Variants in TRRAP observed in about 807,000 individuals in gnomAD.
TRRAP encodes the protein transformation/transcription domain associated protein.
TRRAP carries 41 observed loss-of-function variants against 438.8 expected under a neutral mutation model. That is an observed-to-expected ratio of 0.09 (90% confidence interval 0.07 to 0.12). The LOEUF is 0.12. Ranked by LOEUF, TRRAP falls within the 10% of genes least tolerant of loss-of-function variation. The pLI, the probability that TRRAP is intolerant of heterozygous loss-of-function variation, is 1.00. For synonymous variants in TRRAP, 1,994 were observed against 1,962.9 expected (o/e 1.02, Z -0.42); for missense variants, 3,122 against 5,055.1 (o/e 0.62, Z 11.60).
intron 68 of TRRAP, 135 bp downstream of exon 68, chr7:99,004,550 T>C: frequency 1.3e-6 from 1 of 799,872 alleles, no homozygotes; most frequent in Non-Finnish European, 1.9e-6. Flanking sequence ...AAGATGATTC[T>C]GGAATGTAAG....
At position 98,921,925 on chromosome 7, in the gene TRRAP, A is replaced by G. The variant is rs782779237; in HGVS notation, c.2795A>G (p.Lys932Arg). 2.5e-6 allele frequency: 4 copies of G among 1,614,164 alleles called. No homozygotes were observed. Among genetic ancestry groups the G allele is most frequent in the South Asian group, 2.2e-5 (2 of 91,074 alleles). ...PSITVEFSDC[K>R]ASLQLPMEKA... Reference sequence around the variant, plus strand: ...ATCACTGTGGAGTTTTCCGACTGCAAAGCTTCTCTCCAGCTCCCCATGGAG... The same window carrying G: ...ATCACTGTGGAGTTTTCCGACTGCAGAGCTTCTCTCCAGCTCCCCATGGAG... The change falls in exon 21 of 73, where the codon AAA (lysine) becomes AGA (arginine). Residue 932 changes from lysine (K) to arginine (R), a missense_variant. Around this residue, in one of 24 missense-constraint regions of TRRAP, gnomAD observed 133 missense variants for 188.6 expected, o/e 0.71. Coordinates refer to ENST00000456197, the MANE Select transcript of TRRAP (RefSeq NM_001375524.1).
intron 1 of TRRAP, among the ~76,000 whole-genome samples, chr7:98,880,262 G>GTTT (rs201053093): frequency 2.3e-5 from 3 of 132,112 alleles, no homozygotes; most frequent in South Asian, 2.5e-4. Flanking sequence ...TGTTGTTGTT[G>GTTT]TTTTTTTTTT....
At chr7:98,943,815 A>G (rs1554416191) in intron 31 of TRRAP, among the ~76,000 whole-genome samples, 2 of 152,266 alleles carry the variant, frequency 1.3e-5, no homozygotes, top group Admixed American at 6.5e-5. Flanking sequence ...CAGTATTCCT[A>G]TTAGGGACTT....
chr7:98,969,187 A>G (rs1268072318), intron 51 of TRRAP, among the ~76,000 whole-genome samples: 1 of 152,208 alleles, frequency 6.6e-6, no homozygotes, highest in Non-Finnish European at 1.5e-5. Flanking sequence ...AAAGCAGATA[A>G]CAATACTCTT....
At chr7:98,974,404 G>GCTCTTT (rs1438551362) in intron 53 of TRRAP, among the ~76,000 whole-genome samples, 2 of 152,116 alleles carry the variant, frequency 1.3e-5, no homozygotes, top group African/African-American at 4.8e-5. Flanking sequence ...AGGCACACAG[G>GCTCTTT]CTCTTTCTCT....
intron 62 of TRRAP, among the ~76,000 whole-genome samples, chr7:98,988,028 A>AT (rs1394834884): frequency 2.6e-5 from 4 of 151,890 alleles, no homozygotes; most frequent in African/African-American, 9.7e-5. Context: ...AACCACCCTT[A>AT]TTGCTGGGAT....
In TRRAP at chr7:98,967,078, AGAT is replaced by A; in HGVS notation, c.7220_7222del (p.Met2407del). 1 of 1,614,044 alleles carries A rather than the reference AGAT, an allele frequency of 6.2e-7. No individual in the cohort carries two copies. On this transcript the variant is annotated inframe_deletion, in exon 50 of 73. Coordinates refer to ENST00000456197, the MANE Select transcript of TRRAP (RefSeq NM_001375524.1). ...CGGGAGAAGTCCATTTTGCTTGTGA[AGAT>A]GATGACTTACATAGAAAAACGCTTT...
rs117340269 is a variant in TRRAP, at chr7:98,931,741, G to A, written c.3852+76G>A. ...CTTTTTTTTAAATTTGAGTTGAGGT[G>A]ATACTCCGTTTATAATTTTGTGTCT... On this transcript the variant is annotated intron_variant, in intron 26 of 72. Coordinates refer to ENST00000456197, the MANE Select transcript of TRRAP (RefSeq NM_001375524.1). 6.2e-5 allele frequency: 97 copies of A among 1,555,812 alleles called. No individual in the cohort carries two copies. The East Asian group carries it at 1.4e-3, about 23-fold the overall frequency.
Position 98,990,041 on chromosome 7 carries a change from G to A in TRRAP, c.9592-414G>A, listed in dbSNP as rs566471404. 6.6e-5 allele frequency among the ~76,000 whole-genome samples: 10 copies of A among 152,208 alleles called. No homozygotes were observed. In the East Asian group the frequency reaches 9.7e-4, roughly 15 times the overall value. On this transcript the variant is annotated intron_variant, in intron 63 of 72. Transcript: ENST00000456197. ...TCAGGAGTTCAAGACCAGCCTGGCC[G>A]ACATGGCAAAACCCCATCTCTACTA...
intron 8 of TRRAP, among the ~76,000 whole-genome samples, chr7:98,898,517 A>G (rs919626852): frequency 1.3e-5 from 2 of 152,234 alleles, no homozygotes; most frequent in South Asian, 2.1e-4. Flanking sequence ...CAGTTGTGCT[A>G]GGATGAACAA....
Position 98,903,364 on chromosome 7 carries a change from A to T in TRRAP, c.898-15A>T, listed in dbSNP as rs1554407010. The T allele has an allele frequency of 6.2e-7, 1 of 1,613,868 alleles. No homozygotes were observed. The highest frequency in any genetic ancestry group is 2.2e-5 in the East Asian group (1 of 44,880). On this transcript the variant is annotated splice_polypyrimidine_tract_variant and intron_variant, in intron 11 of 72. Coordinates refer to ENST00000456197, the MANE Select transcript of TRRAP (RefSeq NM_001375524.1). ...CCTATCCCTGTAACTGTGTCATCTCACTCTGTTCTTACAGGAGTTGGTGAC... is the reference window on the plus strand; with the variant it reads ...CCTATCCCTGTAACTGTGTCATCTCTCTCTGTTCTTACAGGAGTTGGTGAC...
intron 62 of TRRAP, among the ~76,000 whole-genome samples, chr7:98,986,034 G>A (rs1281921906): frequency 6.6e-6 from 1 of 152,160 alleles, no homozygotes; most frequent in Non-Finnish European, 1.5e-5. Context: ...ATAAATAGAA[G>A]CATACACTGT....
At chr7:98,911,332 A>C (rs1789255928) in intron 17 of TRRAP, 61 bp downstream of exon 17, 1 of 1,431,268 alleles carries the variant, frequency 7.0e-7, no homozygotes, top group Non-Finnish European at 9.4e-7. Context: ...TGTCTTAAAT[A>C]CTTTTTCATT....
At position 98,950,273 on chromosome 7, in the gene TRRAP, C is replaced by T. The variant is rs782397662; in HGVS notation, c.5334+11C>T. 6.2e-6 allele frequency: 10 copies of T among 1,614,054 alleles called. No individual in the cohort carries two copies. Among genetic ancestry groups the T allele is most frequent in the Non-Finnish European group, 8.5e-6 (10 of 1,180,036 alleles). ...GAATTAAAAGCTAAAGTGAGTCCCA[C>T]TCTTATGCTGTAGAAGGGTATGGGT... On this transcript the variant is annotated intron_variant, in intron 38 of 72. Transcript: ENST00000456197.
At position 98,978,319 on chromosome 7, in the gene TRRAP, A is replaced by C; in HGVS notation, c.8494A>C (p.Ile2832Leu). Reference protein sequence around the residue: ...PEYQLWEDHWIRCSKELNQWE... With the variant: ...PEYQLWEDHWLRCSKELNQWE... Reference sequence around the variant, plus strand: ...ATACCAGCTCTGGGAAGACCACTGGATTCGGTAAGCCAAACACAGTGCTTG... The same window carrying C: ...ATACCAGCTCTGGGAAGACCACTGGCTTCGGTAAGCCAAACACAGTGCTTG... Residue 2832 changes from isoleucine to leucine, a missense_variant, in exon 57 of 73, where the codon ATT becomes CTT. By Grantham distance (5) the Ile-to-Leu change is conservative. Transcript: ENST00000456197. The C allele has an allele frequency of 6.2e-7, 1 of 1,612,968 alleles. No individual in the cohort carries two copies.
chr7:98,958,594 C>T (rs2116651122), intron 44 of TRRAP, among the ~76,000 whole-genome samples: 1 of 152,302 alleles, frequency 6.6e-6, no homozygotes, highest in East Asian at 1.9e-4. Flanking sequence ...GCCACCGTGC[C>T]TGGCCTGATA....
intron 51 of TRRAP, 57 bp from the exon 52 acceptor site, chr7:98,970,055 A>T (rs1298542977): frequency 6.3e-7 from 1 of 1,583,342 alleles, no homozygotes; most frequent in East Asian, 2.2e-5. Flanking sequence ...AGAAGTCCAG[A>T]TGCCCTGAAT....
At chr7:98,953,697 A>T (rs545153899) in intron 40 of TRRAP, among the ~76,000 whole-genome samples, 1 of 152,310 alleles carries the variant, frequency 6.6e-6, no homozygotes, top group East Asian at 1.9e-4. Flanking sequence ...GCCTGGGAAG[A>T]TGCAAACATT....
At chr7:98,887,391 A>C (rs1252150821) in intron 3 of TRRAP, among the ~76,000 whole-genome samples, 1 of 152,156 alleles carries the variant, frequency 6.6e-6, no homozygotes, top group Middle Eastern at 3.2e-3. Flanking sequence ...GGTGTTTCAT[A>C]AAAAGTCTTA....
Sources: allele counts gnomAD v4.1 joint callset (sites outside exome capture counted in the v4.1 genomes callset), GRCh38; gene constraint gnomAD v4.1.1; regional missense constraint gnomAD v4.1.1; transcripts MANE v1.5; gene names NCBI Gene and HGNC (gene_info 2026-07-23, HGNC 2026-07-21).